DCBLD1: variants seen among roughly 807,000 people sequenced by gnomAD.
The protein encoded by DCBLD1 is discoidin, CUB and LCCL domain-containing protein 1.
In DCBLD1, 57 loss-of-function variants were observed where a neutral mutation model predicts 71.5. That is an observed-to-expected ratio of 0.80 (90% CI 0.64 to 0.99). DCBLD1 has a LOEUF of 0.99. DCBLD1 is among the 50% of genes least tolerant of loss of function. The pLI is 0.00. For missense variants in DCBLD1, 891 were observed against 923.5 expected (o/e 0.96, Z 0.46); for synonymous variants, 380 against 363.8 (o/e 1.04, Z -0.51).
intron 14 of DCBLD1, among the ~76,000 whole-genome samples, chr6:117,568,404 C>T (rs1779741509): frequency 6.6e-6 from 1 of 152,168 alleles, no homozygotes; most frequent in African/African-American, 2.4e-5. Context: ...TCTTCTTTCC[C>T]AGCAGTTTAA....
rs1354072420 is a variant in DCBLD1 at position 117,482,715 on chromosome 6, C to G, written c.-67C>G. 1.2e-5 allele frequency: 13 copies of G among 1,104,448 alleles called. No individual in the cohort carries two copies. Among genetic ancestry groups the G allele is most frequent in the South Asian group, 4.4e-5 (1 of 22,496 alleles). 68.4% of individuals were successfully genotyped at this position (1,104,448 alleles called of 1,614,324 possible). On this transcript the variant is annotated 5_prime_UTR_variant, in exon 1 of 15. Transcript: ENST00000338728. ...CGTCCGCAGAGGAGGCGGCCCGGCC[C>G]GGGCAGCTGCGGCTCGGGATCCGTC...
At chr6:117,538,580 A>C (rs750621169) in intron 7 of DCBLD1, 40 bp from the exon 8 acceptor site, 1 of 1,584,112 alleles carries the variant, frequency 6.3e-7, no homozygotes, top group Non-Finnish European at 8.6e-7. Context: ...CTGTTATTTT[A>C]TGTCTGTATC....
At chr6:117,490,046 T>A (rs1777233371) in intron 1 of DCBLD1, among the ~76,000 whole-genome samples, 1 of 151,852 alleles carries the variant, frequency 6.6e-6, no homozygotes, top group African/African-American at 2.4e-5. Flanking sequence ...ATGCTACACA[T>A]AGAACCATTG....
chr6:117,565,158 CTA>C (rs1779670306), intron 14 of DCBLD1, among the ~76,000 whole-genome samples: 2 of 152,242 alleles, frequency 1.3e-5, no homozygotes, highest in African/African-American at 4.8e-5. Flanking sequence ...ACAAATAACT[CTA>C]TGTTCCAAAC....
rs555218551 is a variant in DCBLD1 at position 117,557,501 on chromosome 6, G to T, written c.1615+11904G>T. ...CAAAAGTCAATTCCAGACTGGGCAC[G>T]GTGGCCAGTCTAATCCCAGCACTTT... is the stretch of plus-strand genomic sequence containing the variant. On this transcript the variant is annotated intron_variant, in intron 14 of 14. Transcript: ENST00000296955. Among the ~76,000 whole-genome samples, 6 of 152,220 alleles carry T rather than the reference G, an allele frequency of 3.9e-5. No homozygotes were observed. The South Asian group carries it at 1.2e-3, about 32-fold the overall frequency.
At chr6:117,567,116 C>T (rs1264793266) in intron 14 of DCBLD1, 2 of 1,000,646 alleles carry the variant, frequency 2.0e-6, no homozygotes, top group Non-Finnish European at 2.8e-6. Context: ...TGTGGGAAGG[C>T]TTAGGGGTAG....
chr6:117,542,799 G>C (rs79986090), intron 11 of DCBLD1, among the ~76,000 whole-genome samples: 1,775 of 152,066 alleles, frequency 0.012, 86 homozygotes, highest in Admixed American at 0.091. Context: ...CCTGAGGGGT[G>C]GGGGAGGGGT....
Position 117,548,954 on chromosome 6 carries a change from T to C in DCBLD1, c.*515T>C. ...GTTGTTATTGAGTCATTTCCTCTCCTTTGATAACTAGAACTGAAAGCATTT... is the reference window on the plus strand; with the variant it reads ...GTTGTTATTGAGTCATTTCCTCTCCCTTGATAACTAGAACTGAAAGCATTT... On this transcript the variant is annotated 3_prime_UTR_variant, in exon 15 of 15. Transcript: ENST00000338728. The C allele has an allele frequency of 1.0e-6, 1 of 987,730 alleles. No individual in the cohort carries two copies. The highest frequency in any genetic ancestry group is 1.2e-6 in the Non-Finnish European group (1 of 831,480). The allele number at this position is 987,730 out of a possible 1,614,324, so 61.2% of individuals were successfully genotyped here. A position where few individuals can be genotyped will look rare whatever the true frequency, so the allele number is the denominator to read the frequency against.
chr6:117,569,350 A>G (rs1779761018), intron 14 of DCBLD1, among the ~76,000 whole-genome samples: 1 of 152,238 alleles, frequency 6.6e-6, no homozygotes, highest in African/African-American at 2.4e-5. Context: ...TGAGGGACAG[A>G]GGACTTAAGT....
At chr6:117,569,666 C>G (rs1337900116) in exon 15 of DCBLD1, 2 of 1,611,482 alleles carry the variant, frequency 1.2e-6, no homozygotes, top group East Asian at 2.2e-5. Flanking sequence ...GTGCAGCCCT[C>G]CGCATCTATC....
chr6:117,526,047 C>T (rs117112173), intron 5 of DCBLD1, among the ~76,000 whole-genome samples: 282 of 152,204 alleles, frequency 1.9e-3, no homozygotes, highest in Non-Finnish European at 3.3e-3. Flanking sequence ...TTGGAAAGTG[C>T]CTGAGTTATT....
chr6:117,546,298 T>TA (rs960763216), intron 14 of DCBLD1, among the ~76,000 whole-genome samples: 23 of 152,200 alleles, frequency 1.5e-4, no homozygotes, highest in African/African-American at 5.5e-4. Context: ...AGCTCTCAGA[T>TA]ACATAGGACT....
chr6:117,523,909 C>T (rs1778462942), intron 4 of DCBLD1, among the ~76,000 whole-genome samples: 1 of 152,178 alleles, frequency 6.6e-6, no homozygotes, highest in Non-Finnish European at 1.5e-5. Flanking sequence ...TGGCATGCAT[C>T]TTCAAAGCTG....
rs150142830 is a variant in DCBLD1, at chr6:117,548,447, G to A, written c.*8G>A. ...ATGACTGCCCTTTTGTGAACACAAT[G>A]TGAAAGAAGCCTGCTGTGGTACTGA... On this transcript the variant is annotated 3_prime_UTR_variant, in exon 15 of 15. Coordinates refer to ENST00000338728, the MANE Select transcript of DCBLD1 (RefSeq NM_001366458.2). The A allele has an allele frequency of 6.4e-7, 1 of 1,550,490 alleles. No individual in the cohort carries two copies. The highest frequency in any genetic ancestry group is 2.4e-5 in the East Asian group (1 of 40,922).
intron 14 of DCBLD1, among the ~76,000 whole-genome samples, chr6:117,557,744 A>G (rs530761020): frequency 6.6e-6 from 1 of 152,360 alleles, no homozygotes; most frequent in South Asian, 2.1e-4. Flanking sequence ...AGCCTGGGCA[A>G]CAAGAGTGAA....
At chr6:117,499,318 G>A (rs1777574036) in intron 1 of DCBLD1, among the ~76,000 whole-genome samples, 1 of 151,018 alleles carries the variant, frequency 6.6e-6, no homozygotes, top group South Asian at 2.1e-4. Flanking sequence ...GACGTGGGAA[G>A]ATTGCTTGAG....
At chr6:117,540,618 C>T in intron 9 of DCBLD1, 50 bp from the exon 10 acceptor site, 1 of 1,608,708 alleles carries the variant, frequency 6.2e-7, no homozygotes. Flanking sequence ...TGATAAACAC[C>T]TAAAAACTCA....
chr6:117,569,775 G>T, exon 15 of DCBLD1: 2 of 1,528,174 alleles, frequency 1.3e-6, no homozygotes, highest in Non-Finnish European at 1.7e-6. Flanking sequence ...AGTACTCTTT[G>T]TAAGGTACAG....
Position 117,563,454 on chromosome 6 carries a change from G to A in DCBLD1, c.1616-6166G>A, listed in dbSNP as rs1779628579. On this transcript the variant is annotated intron_variant, in intron 14 of 14. Transcript: ENST00000296955. ...AAGTTGGTTTTGGTCAGGTGCAGTG[G>A]CTCATACCTGTAATCCCAGCACTTT... is the stretch of plus-strand genomic sequence containing the variant. 7 of 1,452,224 alleles carry A rather than the reference G, an allele frequency of 4.8e-6. No homozygotes were observed. In the Admixed American group the frequency reaches 1.2e-4, roughly 25 times the overall value. The allele number at this position is 1,452,224 out of a possible 1,614,324, so 90.0% of individuals were successfully genotyped here. A position where few individuals can be genotyped will look rare whatever the true frequency, so the allele number is the denominator to read the frequency against.
Sources: gnomAD v4.1 joint callset for allele counts (sites outside exome capture counted in the v4.1 genomes callset) on GRCh38, gnomAD v4.1.1 for gene constraint, MANE v1.5 for transcripts, NCBI Gene and HGNC (gene_info 2026-07-23, HGNC 2026-07-21) for gene names.